ATXN7: variants seen among roughly 807,000 people sequenced by gnomAD.
The protein encoded by ATXN7 is ataxin-7.
Under a neutral mutation model 70.5 loss-of-function variants are expected in ATXN7, and 12 were observed. The observed-to-expected ratio is 0.17, with a 90% CI of 0.11 to 0.28. ATXN7 has a LOEUF of 0.28. Among genes scored for constraint, ATXN7 ranks in the 10% least tolerant of loss-of-function variants. ATXN7 has a pLI of 1.00. For synonymous variants in ATXN7, 498 were observed against 448.7 expected (o/e 1.11, Z -1.39); for missense variants, 1,256 against 1,131.7 (o/e 1.11, Z -1.58).
At chr3:63,965,952 CTTGT>C (rs766992239) in intron 5 of ATXN7, among the ~76,000 whole-genome samples, 9 of 152,050 alleles carry the variant, frequency 5.9e-5, no homozygotes, top group Admixed American at 2.6e-4. Context: ...TCGTTTTTCT[CTTGT>C]TTATTTGTGA....
chr3:63,901,600 A>G (rs568903268), intron 2 of ATXN7: 1 of 152,238 alleles, frequency 6.6e-6, no homozygotes, highest in East Asian at 1.9e-4. Context: ...TTAAAAAAAA[A>G]CAAAAATAGA....
At chr3:63,922,147 C>T (rs772165544) in intron 4 of ATXN7, among the ~76,000 whole-genome samples, 4 of 152,116 alleles carry the variant, frequency 2.6e-5, no homozygotes, top group Non-Finnish European at 4.4e-5. Context: ...TCAAGCAATC[C>T]TCCCATCTCA....
At chr3:63,896,210 AAG>A (rs1353072422) in intron 1 of ATXN7, among the ~76,000 whole-genome samples, 2 of 149,046 alleles carry the variant, frequency 1.3e-5, no homozygotes, top group Non-Finnish European at 3.0e-5. Flanking sequence ...TTAAAAAAAA[AAG>A]TAAATAAATT....
At chr3:63,998,499 CTA>C in intron 12 of ATXN7, 1 of 985,274 alleles carries the variant, frequency 1.0e-6, no homozygotes, top group Non-Finnish European at 1.2e-6. Context: ...TGTAGTGGCA[CTA>C]TGTCTTACTA....
chr3:63,865,756 G>A (rs925858525), intron 1 of ATXN7, among the ~76,000 whole-genome samples: 2 of 150,624 alleles, frequency 1.3e-5, no homozygotes, highest in African/African-American at 2.4e-5. Flanking sequence ...TTAGCCGGGC[G>A]TAGTGGCGGG....
At chr3:63,975,211 T>C (rs1038457994) in intron 5 of ATXN7, among the ~76,000 whole-genome samples, 3 of 152,244 alleles carry the variant, frequency 2.0e-5, no homozygotes, top group African/African-American at 7.2e-5. Flanking sequence ...GGGGGTTTCT[T>C]AGTAGTTAGC....
intron 1 of ATXN7, among the ~76,000 whole-genome samples, chr3:63,871,667 G>GA (rs549055581): frequency 6.6e-6 from 1 of 151,846 alleles, no homozygotes; most frequent in Non-Finnish European, 1.5e-5. Context: ...TTTATTCATA[G>GA]AAAAAAAGGT....
intron 4 of ATXN7, among the ~76,000 whole-genome samples, chr3:63,949,394 A>G (rs2074917647): frequency 6.6e-6 from 1 of 151,944 alleles, no homozygotes; most frequent in Non-Finnish European, 1.5e-5. Flanking sequence ...CATAAAATGA[A>G]CTCAATTTCT....
rs565384990 is a variant in ATXN7 at position 63,957,745 on chromosome 3, G to GT, written c.499+5266dup. ...TGGAAAGAGATTGGAAAGGGAGTAA[G>GT]TTTTCACTTGTCATTTGATGTTATT... On this transcript the variant is annotated intron_variant, in intron 5 of 12. Transcript: ENST00000674280. Among the ~76,000 whole-genome samples the GT allele has an allele frequency of 3.0e-4, 46 of 152,310 alleles. No individual in the cohort carries two copies. The East Asian group carries it at 3.5e-3, about 12-fold the overall frequency.
At chr3:63,990,094 T>C in intron 9 of ATXN7, 82 bp from the exon 10 acceptor site, 3 of 1,387,312 alleles carry the variant, frequency 2.2e-6, no homozygotes, top group South Asian at 1.2e-5. Context: ...TAGGTTGTTT[T>C]GGACACACTG....
At chr3:63,884,695 G>C (rs549912400) in intron 1 of ATXN7, among the ~76,000 whole-genome samples, 23 of 151,842 alleles carry the variant, frequency 1.5e-4, no homozygotes, top group Middle Eastern at 3.2e-3. Context: ...TGTCACCCAG[G>C]CTGGAGTGCA....
At chr3:63,953,080 A>G (rs769058142) in intron 5 of ATXN7, among the ~76,000 whole-genome samples, 14 of 152,118 alleles carry the variant, frequency 9.2e-5, no homozygotes, top group Non-Finnish European at 1.5e-4. Flanking sequence ...AGTATGTAGT[A>G]TGATTCTTAC....
chr3:63,957,028 A>G (rs1409725881), intron 5 of ATXN7, among the ~76,000 whole-genome samples: 5 of 152,146 alleles, frequency 3.3e-5, no homozygotes, highest in Non-Finnish European at 7.3e-5. Context: ...ACTTACATGC[A>G]TTTACTCTGG....
At chr3:63,967,697 A>G (rs1176205582) in intron 5 of ATXN7, 3 of 1,126,584 alleles carry the variant, frequency 2.7e-6, no homozygotes, top group Non-Finnish European at 3.5e-6. Context: ...TACACCAGCC[A>G]GGACGCCTTG....
intron 1 of ATXN7, among the ~76,000 whole-genome samples, chr3:63,884,209 A>ACACACACACACACACACGCG: frequency 5.0e-5 from 1 of 20,072 alleles, no homozygotes; most frequent in South Asian, 2.3e-3. Context: ...ATGCGCACAC[A>ACACACACACACACACACGCG]CACACACACA....
chr3:63,863,333 G>T (rs1702278027), upstream of ATXN7: 2 of 613,114 alleles, frequency 3.3e-6, no homozygotes, highest in Admixed American at 6.2e-5. Flanking sequence ...AAACCTTCCA[G>T]GCCCCCAGCC....
At chr3:63,935,728 T>C (rs1181677568) in intron 4 of ATXN7, among the ~76,000 whole-genome samples, 2 of 152,206 alleles carry the variant, frequency 1.3e-5, no homozygotes, top group African/African-American at 4.8e-5. Flanking sequence ...AACAGTACAG[T>C]CTTTCACATG....
At chr3:63,921,755 A>G (rs888531627) in intron 4 of ATXN7, among the ~76,000 whole-genome samples, 2 of 152,220 alleles carry the variant, frequency 1.3e-5, no homozygotes, top group African/African-American at 2.4e-5. Flanking sequence ...AGGAAACCGC[A>G]TAGCTTTACT....
At chr3:63,863,213 T>G (rs1243555390), upstream of ATXN7, 2 of 154,260 alleles carry the variant, frequency 1.3e-5, no homozygotes, top group African/African-American at 4.8e-5. Context: ...CTTCCCAATA[T>G]GCCCCAGGAC....
Sources: allele counts gnomAD v4.1 joint callset (sites outside exome capture counted in the v4.1 genomes callset), GRCh38; gene constraint gnomAD v4.1.1; transcripts MANE v1.5; gene names NCBI Gene and HGNC (gene_info 2026-07-23, HGNC 2026-07-21).